Variants in VPS26B observed in about 807,000 individuals in gnomAD.
VPS26B encodes the protein VPS26 retromer complex component B.
Under a neutral mutation model 33.3 loss-of-function variants are expected in VPS26B, and 10 were observed. That is an observed-to-expected ratio of 0.30 (90% CI 0.19 to 0.51). The LOEUF (loss-of-function observed/expected upper bound fraction) is 0.51. Ranked by LOEUF, VPS26B falls within the 20% of genes least tolerant of loss-of-function variation. The pLI is 0.98. For synonymous variants in VPS26B, 190 were observed against 176.9 expected, an observed-to-expected ratio of 1.07 and a Z score of -0.59; for missense variants, 317 against 452.7, an observed-to-expected ratio of 0.70 and a Z score of 2.72.
chr11:134,245,211 A>G lies in VPS26B; in HGVS notation c.864+131A>G. 1 of 1,387,476 alleles carries G rather than the reference A, an allele frequency of 7.2e-7. No individual in the cohort carries two copies. The highest frequency in any genetic ancestry group is 9.6e-7 in the Non-Finnish European group (1 of 1,039,582). 85.9% of individuals were successfully genotyped at this position (1,387,476 alleles called of 1,614,324 possible). A position where few individuals can be genotyped will look rare whatever the true frequency, so the allele number is the denominator to read the frequency against. On this transcript the variant is annotated intron_variant, in intron 5 of 5. Coordinates refer to ENST00000281187, the MANE Select transcript of VPS26B (RefSeq NM_052875.5). The surrounding 1 kb of genome is among the most constrained non-coding windows in gnomAD (Gnocchi z 4.7). ...GGTCGCCCACAATTGCACAACAAGAATGAGGATTCTCACCTGGCCTTAGAG... is the reference window on the plus strand; with the variant it reads ...GGTCGCCCACAATTGCACAACAAGAGTGAGGATTCTCACCTGGCCTTAGAG...
intron 1 of VPS26B, among the ~76,000 whole-genome samples, chr11:134,230,693 C>T (rs1419680598): frequency 2.0e-5 from 3 of 152,224 alleles, no homozygotes; most frequent in South Asian, 2.1e-4. Context: ...TGTGTAAGAA[C>T]GTAAGAGTTG....
chr11:134,245,910 A>G lies in VPS26B; in HGVS notation c.*320A>G. 2 of 301,986 alleles carry G rather than the reference A, an allele frequency of 6.6e-6. No individual in the cohort carries two copies. The allele number at this position is 301,986 out of a possible 1,614,324, so 18.7% of individuals were successfully genotyped here. A position where few individuals can be genotyped will look rare whatever the true frequency, so the allele number is the denominator to read the frequency against. ...AGAGGAGGGAGAGCAGAGAGCACGC[A>G]TCCTTGGCTCCTGGCTCTCTGAGCT... On this transcript the variant is annotated 3_prime_UTR_variant, in exon 6 of 6. Coordinates refer to ENST00000281187, the MANE Select transcript of VPS26B (RefSeq NM_052875.5). This position sits in a 1 kb window ranked among gnomAD's most constrained non-coding sequence, Gnocchi z 4.7.
At chr11:134,226,242 A>G (rs1164557187) in intron 1 of VPS26B, among the ~76,000 whole-genome samples, 2 of 152,004 alleles carry the variant, frequency 1.3e-5, no homozygotes, top group African/African-American at 4.8e-5. Flanking sequence ...TCTACCCCCA[A>G]AAATTTTTTT....
intron 1 of VPS26B, 53 bp downstream of exon 1, chr11:134,225,398 C>T (rs774982804): frequency 6.4e-6 from 10 of 1,552,452 alleles, no homozygotes; most frequent in South Asian, 5.6e-5. Context: ...GGCCGGGGAG[C>T]AGGGTGATTC....
rs1238964113 is a variant in VPS26B, at chr11:134,244,191, CAAATG to C, written c.722-741_722-737del. 1 of 152,138 alleles carries C rather than the reference CAAATG, an allele frequency of 6.6e-6. No homozygotes were observed. Among genetic ancestry groups the C allele is most frequent in the Non-Finnish European group, 1.5e-5 (1 of 68,028 alleles). 9.4% of individuals were successfully genotyped at this position (152,138 alleles called of 1,614,324 possible). ...AGAGCCAGCTGTCATTTTTCCTGTA[CAAATG>C]AAATGGGTCACTGAGAATGCATGTA... On this transcript the variant is annotated intron_variant, in intron 4 of 5. Coordinates refer to ENST00000281187, the MANE Select transcript of VPS26B (RefSeq NM_052875.5). This position sits in a 1 kb window ranked among gnomAD's most constrained non-coding sequence, Gnocchi z 4.0.
At chr11:134,239,944 A>C in intron 2 of VPS26B, 47 bp from the exon 3 acceptor site, 2 of 1,612,284 alleles carry the variant, frequency 1.2e-6, no homozygotes, top group Non-Finnish European at 1.7e-6. Flanking sequence ...TCTAGGTAGC[A>C]TCTGGAGACT....
intron 4 of VPS26B, chr11:134,243,850 A>G (rs71486996): frequency 0.12 from 17,674 of 152,486 alleles, 2,248 homozygotes; most frequent in African/African-American, 0.32. Flanking sequence ...CTGGGTTAGT[A>G]GAGCTGGAAG....
At position 134,240,794 on chromosome 11, in the gene VPS26B, CGTGTGTGTGTGTGT is replaced by C. The variant is rs55726358; in HGVS notation, c.545+660_545+673del. ...GTGTCCGTGTGTGTGTGTGTGTGTC[CGTGTGTGTGTGTGT>C]GTGTGTGTGTGTGTGTGTGTAGCCA... On this transcript the variant is annotated intron_variant, in intron 3 of 5. Transcript: ENST00000281187. The surrounding 1 kb of genome is among the most constrained non-coding windows in gnomAD (Gnocchi z 4.4). Among the ~76,000 whole-genome samples, 272 of 138,530 alleles carry C rather than the reference CGTGTGTGTGTGTGT, an allele frequency of 2.0e-3. 1 individual carries two copies. The highest frequency in any genetic ancestry group is 3.0e-3 in the Admixed American group (42 of 13,786). 90.9% of individuals were successfully genotyped at this position (138,530 alleles called of 152,430 possible). A position where few individuals can be genotyped will look rare whatever the true frequency, so the allele number is the denominator to read the frequency against.
In VPS26B at chr11:134,232,842, G is replaced by C. The variant is rs967354698; in HGVS notation, c.224-2055G>C. On this transcript the variant is annotated intron_variant, in intron 1 of 5. Coordinates refer to ENST00000281187, the MANE Select transcript of VPS26B (RefSeq NM_052875.5). ...CTGAGGTACCAGGTTCCCAAGTCAA[G>C]GTTTCGGCTTCCACACGAAAGCCAA... Among the ~76,000 whole-genome samples, 4 of 152,250 alleles carry C rather than the reference G, an allele frequency of 2.6e-5. No individual in the cohort carries two copies. The East Asian group carries it at 7.7e-4, about 29-fold the overall frequency.
Position 134,245,147 on chromosome 11 carries a change from A to G in VPS26B, c.864+67A>G, listed in dbSNP as rs1938790676. On this transcript the variant is annotated intron_variant, in intron 5 of 5. Coordinates refer to ENST00000281187, the MANE Select transcript of VPS26B (RefSeq NM_052875.5). This position sits in a 1 kb window ranked among gnomAD's most constrained non-coding sequence, Gnocchi z 4.7. Reference sequence around the variant, plus strand: ...GAACAGGAGGCTCTCTTTCCTATGGAAGGTCAGACTCCATTTTTGCCAAGA... The same window carrying G: ...GAACAGGAGGCTCTCTTTCCTATGGGAGGTCAGACTCCATTTTTGCCAAGA... 6.4e-7 allele frequency: 1 copy of G among 1,572,428 alleles called. No individual in the cohort carries two copies. Among genetic ancestry groups the G allele is most frequent in the African/African-American group, 1.4e-5 (1 of 73,482 alleles).
intron 1 of VPS26B, among the ~76,000 whole-genome samples, chr11:134,229,180 C>T (rs1007578728): frequency 1.3e-5 from 2 of 152,116 alleles, no homozygotes; most frequent in Non-Finnish European, 2.9e-5. Context: ...CAGGTGCATG[C>T]CACCATACCC....
chr11:134,240,784 T>TGTGTCC lies in VPS26B; in HGVS notation c.545+633_545+634insCCGTGT, dbSNP rs1938708142. Among the ~76,000 whole-genome samples, 1 of 134,082 alleles carries TGTGTCC rather than the reference T, an allele frequency of 7.5e-6. No individual in the cohort carries two copies. The highest frequency in any genetic ancestry group is 2.6e-4 in the South Asian group (1 of 3,840). The allele number at this position is 134,082 out of a possible 152,430, so 88.0% of individuals were successfully genotyped here. A position where few individuals can be genotyped will look rare whatever the true frequency, so the allele number is the denominator to read the frequency against. On this transcript the variant is annotated intron_variant, in intron 3 of 5. Coordinates refer to ENST00000281187, the MANE Select transcript of VPS26B (RefSeq NM_052875.5). This position sits in a 1 kb window ranked among gnomAD's most constrained non-coding sequence, Gnocchi z 4.4. ...CAGCTAATTTGTGTCCGTGTGTGTG[T>TGTGTCC]GTGTGTGTCCGTGTGTGTGTGTGTG...
chr11:134,238,785 C>T (rs1361385047), intron 2 of VPS26B, among the ~76,000 whole-genome samples: 1 of 151,574 alleles, frequency 6.6e-6, no homozygotes, highest in Non-Finnish European at 1.5e-5. Flanking sequence ...TTAGTAGAGA[C>T]GGGGTTTCAC....
At chr11:134,241,366 G>T (rs1038954316) in intron 3 of VPS26B, among the ~76,000 whole-genome samples, 5 of 152,174 alleles carry the variant, frequency 3.3e-5, no homozygotes, top group African/African-American at 9.6e-5. Context: ...GGAATGGTGT[G>T]TTTTTTCCCC....
At position 134,245,570 on chromosome 11, in the gene VPS26B, GACA is replaced by G. The variant is rs768765615; in HGVS notation, c.997_999del (p.Asn333del). 1.7e-5 allele frequency: 27 copies of G among 1,611,460 alleles called. No individual in the cohort carries two copies. Among genetic ancestry groups the G allele is most frequent in the African/African-American group, 5.3e-5 (4 of 74,930 alleles). On this transcript the variant is annotated inframe_deletion, in exon 6 of 6. Transcript: ENST00000281187. This position sits in a 1 kb window ranked among gnomAD's most constrained non-coding sequence, Gnocchi z 4.7. ...GGTGCGGACCCCCAGCCAGCTGTCT[GACA>G]ACAACTGCAGGCAGTAGGCCCCCAG... is the stretch of plus-strand genomic sequence containing the variant.
chr11:134,237,683 AC>A (rs1938652865), intron 2 of VPS26B, among the ~76,000 whole-genome samples: 1 of 149,756 alleles, frequency 6.7e-6, no homozygotes, highest in East Asian at 2.1e-4. Flanking sequence ...CCTCTGTGGA[AC>A]CGCGGGAAGA....
At position 134,230,459 on chromosome 11, in the gene VPS26B, G is replaced by A. The variant is rs116894974; in HGVS notation, c.224-4438G>A. On this transcript the variant is annotated intron_variant, in intron 1 of 5. Coordinates refer to ENST00000281187, the MANE Select transcript of VPS26B (RefSeq NM_052875.5). ...TTTGTTTTGGTGGTTGAGCAGCTGAGCTTCCTGCCTTTGTTGTGGAGGAGG... is the reference window on the plus strand; with the variant it reads ...TTTGTTTTGGTGGTTGAGCAGCTGAACTTCCTGCCTTTGTTGTGGAGGAGG... Among the ~76,000 whole-genome samples the A allele has an allele frequency of 3.2e-3, 487 of 152,288 alleles. 1 individual carries two copies. Among genetic ancestry groups the A allele is most frequent in the Non-Finnish European group, 4.6e-3 (310 of 68,026 alleles).
chr11:134,227,775 G>A (rs530405331), intron 1 of VPS26B, among the ~76,000 whole-genome samples: 1 of 152,208 alleles, frequency 6.6e-6, no homozygotes, highest in Non-Finnish European at 1.5e-5. Context: ...CATGCCAGGG[G>A]ATCATGCATG....
At chr11:134,237,517 TAAGGACAGAGGGGACACTTAGA>T (rs960772811) in intron 2 of VPS26B, among the ~76,000 whole-genome samples, 1 of 152,148 alleles carries the variant, frequency 6.6e-6, no homozygotes, top group Non-Finnish European at 1.5e-5. Context: ...GACCTGGCAC[TAAGGACAGAGGGGACACTTAGA>T]AATGTGCAGT....
Sources: allele counts gnomAD v4.1 joint callset (sites outside exome capture counted in the v4.1 genomes callset), GRCh38; gene constraint gnomAD v4.1.1; non-coding constraint Gnocchi (gnomAD v3.1); transcripts MANE v1.5; gene names NCBI Gene and HGNC (gene_info 2026-07-23, HGNC 2026-07-21).